The following CNTNAP5 variants were observed in gnomAD, a reference collection of about 807,000 sequenced individuals.
The protein encoded by CNTNAP5 is contactin associated protein family member 5.
In CNTNAP5, 72 loss-of-function variants were observed where a neutral mutation model predicts 150.2. That is an observed-to-expected ratio of 0.48 (90% confidence interval 0.40 to 0.58). CNTNAP5 has a LOEUF of 0.58. CNTNAP5 is among the 20% of genes least tolerant of loss of function. CNTNAP5 has a pLI of 0.00. For synonymous variants in CNTNAP5, 672 were observed against 619.8 expected (o/e 1.08, Z -1.25); for missense variants, 1,636 against 1,626.2 (o/e 1.01, Z -0.10).
intron 3 of CNTNAP5, among the ~76,000 whole-genome samples, chr2:124,284,765 C>T (rs367620093): frequency 1.3e-5 from 2 of 152,130 alleles, no homozygotes; most frequent in South Asian, 4.1e-4. Flanking sequence ...GAAACAGTGT[C>T]ATCAAGCTTT....
At chr2:124,579,381 A>G (rs754509523) in intron 11 of CNTNAP5, among the ~76,000 whole-genome samples, 28 of 152,254 alleles carry the variant, frequency 1.8e-4, no homozygotes, top group Admixed American at 2.6e-4. Context: ...CTGGATAAAC[A>G]GAAAAGTATC....
chr2:124,172,375 T>C (rs1186050599), intron 1 of CNTNAP5, among the ~76,000 whole-genome samples: 3 of 152,296 alleles, frequency 2.0e-5, no homozygotes, highest in African/African-American at 4.8e-5. Context: ...GTGAGTAATA[T>C]TGACTTTTAA....
intron 3 of CNTNAP5, among the ~76,000 whole-genome samples, chr2:124,394,063 T>G (rs1691185958): frequency 6.6e-6 from 1 of 152,156 alleles, no homozygotes; most frequent in Non-Finnish European, 1.5e-5. Context: ...TTATATGTTT[T>G]CTGTAGCCAT....
At chr2:124,524,571 C>A in intron 9 of CNTNAP5, 119 bp downstream of exon 9, 2 of 919,052 alleles carry the variant, frequency 2.2e-6, no homozygotes, top group Non-Finnish European at 1.6e-6. Flanking sequence ...CACACAAACA[C>A]ACACACACAT....
intron 21 of CNTNAP5, among the ~76,000 whole-genome samples, chr2:124,872,896 T>G (rs1049217536): frequency 6.6e-6 from 1 of 152,088 alleles, no homozygotes; most frequent in Non-Finnish European, 1.5e-5. Flanking sequence ...GCTGGTGAAT[T>G]GAAACTTTAC....
rs183405927 is a variant in CNTNAP5, at chr2:124,352,386, A to G, written c.382-65057A>G. Among the ~76,000 whole-genome samples, 15 of 152,322 alleles carry G rather than the reference A, an allele frequency of 9.8e-5. No individual in the cohort carries two copies. In the South Asian group the frequency reaches 1.7e-3, roughly 17 times the overall value. On this transcript the variant is annotated intron_variant, in intron 3 of 23. Transcript: ENST00000682447. ...ATTACAACCATTTCACACACATAGA[A>G]CAGAGCCTCAAGTGAGTTAAGTAGT...
chr2:124,106,555 G>T (rs1683175859), intron 1 of CNTNAP5, among the ~76,000 whole-genome samples: 1 of 152,178 alleles, frequency 6.6e-6, no homozygotes, highest in South Asian at 2.1e-4. Flanking sequence ...GCTTTGGGGT[G>T]CTGAGAGGTG....
At chr2:124,854,115 A>G (rs983958586) in intron 19 of CNTNAP5, among the ~76,000 whole-genome samples, 1 of 152,162 alleles carries the variant, frequency 6.6e-6, no homozygotes, top group African/African-American at 2.4e-5. Flanking sequence ...ACTGCAGTGA[A>G]CTTTCATGTG....
Position 124,510,279 on chromosome 2 carries a change from C to CTATCTATA in CNTNAP5, c.1327+5726_1327+5727insCTATATAT, listed in dbSNP as rs1694532441. On this transcript the variant is annotated intron_variant, in intron 8 of 23. Transcript: ENST00000682447. Reference sequence around the variant, plus strand: ...TATCTATATATCTATATATCTATATCTATATCTATATATCTATATATCTAT... The same window carrying CTATCTATA: ...TATCTATATATCTATATATCTATATCTATCTATATATATCTATATATCTATATATCTAT... Among the ~76,000 whole-genome samples, 18 of 70,994 alleles carry CTATCTATA rather than the reference C, an allele frequency of 2.5e-4. No individual in the cohort carries two copies. In the East Asian group the frequency reaches 4.4e-3, roughly 17 times the overall value. The allele number at this position is 70,994 out of a possible 152,430, so 46.6% of individuals were successfully genotyped here.
chr2:124,102,323 A>G (rs1176258885), intron 1 of CNTNAP5, among the ~76,000 whole-genome samples: 1 of 152,164 alleles, frequency 6.6e-6, no homozygotes, highest in African/African-American at 2.4e-5. Flanking sequence ...TCCAGCTAAA[A>G]TTGCTGAATA....
rs556979484 is a variant in CNTNAP5 at position 124,454,414 on chromosome 2, A to G, written c.918+7477A>G. 7.2e-4 allele frequency among the ~76,000 whole-genome samples: 109 copies of G among 152,308 alleles called. 1 individual carries two copies. In the Middle Eastern group the frequency reaches 0.027, roughly 38 times the overall value. On this transcript the variant is annotated intron_variant, in intron 6 of 23. Coordinates refer to ENST00000682447, the MANE Select transcript of CNTNAP5 (RefSeq NM_001367498.1). ...CCAAATTTGTAAAACAATTACTACT[A>G]GACCTAACATACAGACAGCAGCTAA...
intron 14 of CNTNAP5, among the ~76,000 whole-genome samples, chr2:124,763,103 T>C (rs1680992637): frequency 6.6e-6 from 1 of 152,138 alleles, no homozygotes; most frequent in Non-Finnish European, 1.5e-5. Context: ...TTTATTTGCA[T>C]GGTTAACAAA....
chr2:124,373,491 C>T (rs375416756), intron 3 of CNTNAP5, among the ~76,000 whole-genome samples: 1 of 151,806 alleles, frequency 6.6e-6, no homozygotes, highest in African/African-American at 2.4e-5. Flanking sequence ...AGTGGTGCCA[C>T]GAGGAGTTCA....
At chr2:124,250,896 A>G (rs1298235853) in intron 3 of CNTNAP5, among the ~76,000 whole-genome samples, 1 of 152,044 alleles carries the variant, frequency 6.6e-6, no homozygotes, top group Non-Finnish European at 1.5e-5. Flanking sequence ...TAATACAGTA[A>G]CCACAAGTTT....
At chr2:124,235,010 T>G (rs1686714308) in intron 2 of CNTNAP5, among the ~76,000 whole-genome samples, 1 of 152,076 alleles carries the variant, frequency 6.6e-6, no homozygotes, top group Admixed American at 6.6e-5. Context: ...AAGTAATTAT[T>G]GAGGCGGTGG....
chr2:124,296,979 C>A (rs1278384708), intron 3 of CNTNAP5, among the ~76,000 whole-genome samples: 1 of 152,142 alleles, frequency 6.6e-6, no homozygotes, highest in African/African-American at 2.4e-5. Context: ...TTGATTTGCT[C>A]TCTGGGGCAG....
intron 21 of CNTNAP5, among the ~76,000 whole-genome samples, chr2:124,876,137 A>G (rs368856992): frequency 2.6e-5 from 4 of 152,094 alleles, no homozygotes; most frequent in Admixed American, 2.6e-4. Flanking sequence ...TCAACATTCC[A>G]TGTGGAAAGA....
chr2:124,849,170 C>G (rs1479607017), intron 19 of CNTNAP5, among the ~76,000 whole-genome samples: 1 of 152,030 alleles, frequency 6.6e-6, no homozygotes, highest in Admixed American at 6.6e-5. Flanking sequence ...GTATGTGGAT[C>G]CAACTTAATA....
At chr2:124,025,812 C>T in intron 1 of CNTNAP5, 80 bp downstream of exon 1, 1 of 1,166,460 alleles carries the variant, frequency 8.6e-7, no homozygotes, top group Non-Finnish European at 1.3e-6. Flanking sequence ...TCTAAGCGTA[C>T]TCGATTGTGT....
Sources: allele counts gnomAD v4.1 joint callset (sites outside exome capture counted in the v4.1 genomes callset), GRCh38; gene constraint gnomAD v4.1.1; transcripts MANE v1.5; gene names NCBI Gene and HGNC (gene_info 2026-07-23, HGNC 2026-07-21).